The following PRKCH variants were observed in gnomAD, a reference collection of about 807,000 sequenced individuals.
PRKCH encodes the protein protein kinase C eta type.
PRKCH carries 28 observed loss-of-function variants against 82.5 expected under a neutral mutation model. The observed-to-expected ratio is 0.34, with a 90% CI of 0.25 to 0.47. The LOEUF (loss-of-function observed/expected upper bound fraction) is 0.47. PRKCH is among the 20% of genes least tolerant of loss of function. PRKCH has a pLI of 1.00. For synonymous variants in PRKCH, 322 were observed against 327.4 expected (o/e 0.98, Z 0.18); for missense variants, 705 against 881.8 (o/e 0.80, Z 2.54).
rs574172520 is a variant in PRKCH, at chr14:61,367,935, C to G, written c.364-23290C>G. 2.0e-5 allele frequency among the ~76,000 whole-genome samples: 3 copies of G among 151,856 alleles called. No homozygotes were observed. The South Asian group carries it at 6.2e-4, about 32-fold the overall frequency. On this transcript the variant is annotated intron_variant, in intron 1 of 13. Coordinates refer to ENST00000332981, the MANE Select transcript of PRKCH (RefSeq NM_006255.5). Reference sequence around the variant, plus strand: ...TTCACCTTGCTAACCAGGATGGTCTCGACCTCCTGACCTCGTGATCCGCCT... The same window carrying G: ...TTCACCTTGCTAACCAGGATGGTCTGGACCTCCTGACCTCGTGATCCGCCT...
At position 61,248,810 on chromosome 14, in the gene PRKCH, G is replaced by A. The variant is rs1041043275; in HGVS notation, c.-19+61142G>A. 8.7e-5 allele frequency among the ~76,000 whole-genome samples: 13 copies of A among 150,080 alleles called. No homozygotes were observed. The East Asian group carries it at 2.0e-3, about 23-fold the overall frequency. On this transcript the variant is annotated intron_variant, in intron 1 of 3. Transcript: ENST00000555185. ...TATGTATGTATGTATGTGTGTGTGT[G>A]TATGTATTTAGAGACAGCATCCCAC...
intron 1 of PRKCH, among the ~76,000 whole-genome samples, chr14:61,203,499 G>A (rs1271177428): frequency 1.3e-5 from 2 of 152,064 alleles, no homozygotes; most frequent in East Asian, 3.9e-4. Context: ...GATTTGTGAG[G>A]CACTCAAAAA....
chr14:61,402,871 TTTA>T (rs1881721162), intron 2 of PRKCH, among the ~76,000 whole-genome samples: 1 of 146,460 alleles, frequency 6.8e-6, no homozygotes, highest in Non-Finnish European at 1.5e-5. Context: ...ATTTATTTAT[TTTA>T]TTTTTATTTA....
At chr14:61,447,154 T>G (rs1415625950) in intron 4 of PRKCH, among the ~76,000 whole-genome samples, 1 of 152,176 alleles carries the variant, frequency 6.6e-6, no homozygotes, top group Non-Finnish European at 1.5e-5. Flanking sequence ...TTATCAGGAA[T>G]AAAGAGGGGA....
chr14:61,540,326 A>G (rs2043166519), intron 12 of PRKCH, among the ~76,000 whole-genome samples: 1 of 152,242 alleles, frequency 6.6e-6, no homozygotes, highest in South Asian at 2.1e-4. Flanking sequence ...CCTGAGTGTC[A>G]TTTATTAGGT....
At chr14:61,297,523 A>G (rs1190423180) in intron 1 of PRKCH, among the ~76,000 whole-genome samples, 1 of 152,218 alleles carries the variant, frequency 6.6e-6, no homozygotes, top group Admixed American at 6.5e-5. Context: ...GGCACTAGGA[A>G]CTGGTTTCAT....
intron 9 of PRKCH, among the ~76,000 whole-genome samples, chr14:61,469,731 G>A (rs527542569): frequency 3.9e-5 from 6 of 152,254 alleles, no homozygotes; most frequent in Non-Finnish European, 8.8e-5. Flanking sequence ...TTCTAGGTCC[G>A]GAATTATCCA....
chr14:61,382,821 G>T (rs1594644448), intron 1 of PRKCH, among the ~76,000 whole-genome samples: 1 of 152,330 alleles, frequency 6.6e-6, no homozygotes, highest in East Asian at 1.9e-4. Flanking sequence ...TATGTAGCTA[G>T]AAGTTTCCTG....
chr14:61,294,183 C>T (rs995067727), intron 1 of PRKCH, among the ~76,000 whole-genome samples: 7 of 151,774 alleles, frequency 4.6e-5, no homozygotes, highest in Non-Finnish European at 8.8e-5. Context: ...TGCAGTGGCG[C>T]GATCTCGGCT....
At chr14:61,465,470 T>A (rs572003490) in intron 9 of PRKCH, among the ~76,000 whole-genome samples, 1 of 152,376 alleles carries the variant, frequency 6.6e-6, no homozygotes, top group Admixed American at 6.5e-5. Context: ...ACACCATTTA[T>A]TGAAGGGACA....
At chr14:61,258,426 G>A (rs977662372) in intron 1 of PRKCH, among the ~76,000 whole-genome samples, 1 of 152,072 alleles carries the variant, frequency 6.6e-6, no homozygotes, top group African/African-American at 2.4e-5. Context: ...AAAGTTGCCT[G>A]GTATCCCCTT....
Position 61,280,337 on chromosome 14 carries a change from G to A in PRKCH, c.-19+92669G>A. 2 of 1,613,890 alleles carry A rather than the reference G, an allele frequency of 1.2e-6. No individual in the cohort carries two copies. The highest frequency in any genetic ancestry group is 8.5e-7 in the Non-Finnish European group (1 of 1,179,938). Reference sequence around the variant, plus strand: ...GGCAGCCCGGCCGAGTAGTTGCCCTGGCGGATGCGCGCGTACAGTTTGCGG... The same window carrying A: ...GGCAGCCCGGCCGAGTAGTTGCCCTAGCGGATGCGCGCGTACAGTTTGCGG... On this transcript the variant is annotated intron_variant, in intron 1 of 3. Transcript: ENST00000555185. The surrounding 1 kb of genome is among the most constrained non-coding windows in gnomAD (Gnocchi z 5.0).
At chr14:61,515,767 C>G (rs1169368279) in intron 10 of PRKCH, among the ~76,000 whole-genome samples, 1 of 152,144 alleles carries the variant, frequency 6.6e-6, no homozygotes, top group Non-Finnish European at 1.5e-5. Context: ...CAGTAGTTAT[C>G]TAGAATTTAC....
intron 2 of PRKCH, among the ~76,000 whole-genome samples, chr14:61,402,234 G>A (rs7141535): frequency 0.12 from 17,610 of 152,088 alleles, 1,501 homozygotes; most frequent in East Asian, 0.32. Context: ...AATCATTTAT[G>A]GGTCAAGGAT....
Position 61,357,734 on chromosome 14 carries a change from C to T in PRKCH, c.364-33491C>T, listed in dbSNP as rs552452688. On this transcript the variant is annotated intron_variant, in intron 1 of 13. Coordinates refer to ENST00000332981, the MANE Select transcript of PRKCH (RefSeq NM_006255.5). ...TAGAAGAGTTTTTAGCTTCTGCAAC[C>T]GTCCATGCTTCTGTTCTCTTGCTGC... Among the ~76,000 whole-genome samples the T allele has an allele frequency of 1.2e-4, 19 of 152,274 alleles. No homozygotes were observed. In the East Asian group the frequency reaches 3.5e-3, roughly 28 times the overall value.
chr14:61,489,089 G>T (rs143431050), intron 10 of PRKCH, among the ~76,000 whole-genome samples: 26 of 152,276 alleles, frequency 1.7e-4, no homozygotes, highest in African/African-American at 6.0e-4. Context: ...CAAGTCCTTG[G>T]AATTCACACA....
chr14:61,463,978 A>C (rs971616850), intron 9 of PRKCH, among the ~76,000 whole-genome samples: 2 of 152,218 alleles, frequency 1.3e-5, no homozygotes, highest in African/African-American at 2.4e-5. Flanking sequence ...ACTGGTGAAC[A>C]CTTAGGTTGA....
intron 1 of PRKCH, among the ~76,000 whole-genome samples, chr14:61,243,352 C>G (rs7143474): frequency 0.056 from 7,626 of 136,612 alleles, 316 homozygotes; most frequent in East Asian, 0.17. Flanking sequence ...GAATGGAGAT[C>G]GAGCCTGGGC....
chr14:61,495,928 G>A (rs2139939803), intron 10 of PRKCH, among the ~76,000 whole-genome samples: 1 of 152,344 alleles, frequency 6.6e-6, no homozygotes, highest in African/African-American at 2.4e-5. Context: ...TTTACTGTTT[G>A]ACACAGAGAT....
Sources: allele counts gnomAD v4.1 joint callset (sites outside exome capture counted in the v4.1 genomes callset), GRCh38; gene constraint gnomAD v4.1.1; non-coding constraint Gnocchi (gnomAD v3.1); transcripts MANE v1.5; gene names NCBI Gene and HGNC (gene_info 2026-07-23, HGNC 2026-07-21).